Variants in LRP1B observed in about 807,000 individuals in gnomAD.
LRP1B encodes the protein low-density lipoprotein receptor-related protein 1B.
Under a neutral mutation model 556.6 loss-of-function variants are expected in LRP1B, and 217 were observed. The observed-to-expected ratio is 0.39, with a 90% CI of 0.35 to 0.44. The LOEUF (loss-of-function observed/expected upper bound fraction) is 0.44. LRP1B is among the 20% of genes least tolerant of loss of function. LRP1B has a pLI of 1.00. For synonymous variants in LRP1B, 2,047 were observed against 1,865.8 expected (o/e 1.10, Z -2.50); for missense variants, 5,053 against 5,620.8 (o/e 0.90, Z 3.23).
intron 3 of LRP1B, among the ~76,000 whole-genome samples, chr2:141,384,769 T>C (rs112311535): frequency 0.01 from 1,542 of 152,302 alleles, 14 homozygotes; most frequent in South Asian, 0.02. Flanking sequence ...TTAAAGATCT[T>C]AAGCAGTTTA....
intron 66 of LRP1B, among the ~76,000 whole-genome samples, chr2:140,437,703 CATAGA>C (rs1206464008): frequency 6.6e-6 from 1 of 151,976 alleles, no homozygotes; most frequent in East Asian, 1.9e-4. Flanking sequence ...AGTATATCTA[CATAGA>C]ATAGATAGAT....
chr2:140,839,439 T>G (rs112099992), intron 31 of LRP1B, among the ~76,000 whole-genome samples: 1 of 152,278 alleles, frequency 6.6e-6, no homozygotes, highest in African/African-American at 2.4e-5. Flanking sequence ...ACCCTCAATC[T>G]GGGTGGGCAC....
In LRP1B at chr2:141,044,198, G is replaced by A. The variant is rs576179285; in HGVS notation, c.1789+4788C>T. Among the ~76,000 whole-genome samples the A allele has an allele frequency of 7.3e-5, 11 of 151,708 alleles. No individual in the cohort carries two copies. In the South Asian group the frequency reaches 1.9e-3, roughly 26 times the overall value. ...GATTCCCTATTTAATAAATGGTGCT[G>A]GGAAAACTGGCTAGCCGTATGTAGA... On this transcript the variant is annotated intron_variant, in intron 11 of 90. Coordinates refer to ENST00000389484, the MANE Select transcript of LRP1B (RefSeq NM_018557.3).
intron 59 of LRP1B, among the ~76,000 whole-genome samples, chr2:140,476,014 G>A (rs1367151822): frequency 6.6e-6 from 1 of 151,848 alleles, no homozygotes; most frequent in Non-Finnish European, 1.5e-5. Context: ...TTCTAGATAG[G>A]ACAGTTCCAA....
intron 37 of LRP1B, among the ~76,000 whole-genome samples, chr2:140,703,187 T>A (rs1222522956): frequency 1.3e-5 from 2 of 152,182 alleles, no homozygotes; most frequent in Non-Finnish European, 2.9e-5. Context: ...TTGAATTTTA[T>A]GTTATCTTGT....
chr2:140,598,593 G>T (rs1366415214), intron 43 of LRP1B, 38 bp downstream of exon 43: 7 of 1,463,312 alleles, frequency 4.8e-6, no homozygotes, highest in Non-Finnish European at 6.7e-6. Flanking sequence ...ATATATCATT[G>T]TATAACTCTA....
At chr2:141,167,799 C>G (rs1680332691) in intron 7 of LRP1B, among the ~76,000 whole-genome samples, 1 of 151,804 alleles carries the variant, frequency 6.6e-6, no homozygotes, top group Admixed American at 6.6e-5. Context: ...ATTCATTTGA[C>G]TTTTTACAGT....
intron 1 of LRP1B, among the ~76,000 whole-genome samples, chr2:142,123,970 C>T (rs1012731365): frequency 6.6e-6 from 1 of 151,744 alleles, no homozygotes; most frequent in South Asian, 2.1e-4. Flanking sequence ...GAAGAAATCC[C>T]AAATGTAGAC....
In LRP1B at chr2:140,879,950, T is replaced by TA. The variant is rs34768520; in HGVS notation, c.4169+3866dup. Among the ~76,000 whole-genome samples, 1,259 of 138,612 alleles carry TA rather than the reference T, an allele frequency of 9.1e-3. 5 individuals are homozygous for TA. Among genetic ancestry groups the TA allele is most frequent in the Middle Eastern group, 0.015 (4 of 264 alleles). The allele number at this position is 138,612 out of a possible 152,430, so 90.9% of individuals were successfully genotyped here. A position where few individuals can be genotyped will look rare whatever the true frequency, so the allele number is the denominator to read the frequency against. On this transcript the variant is annotated intron_variant, in intron 25 of 90. Transcript: ENST00000389484. ...GAAGGTAAAAATAAATGATCCTGGT[T>TA]AAAAAAAAAAAAAAGAGGTTACTTA...
chr2:142,020,946 C>A (rs1171753488), intron 1 of LRP1B, among the ~76,000 whole-genome samples: 1 of 152,170 alleles, frequency 6.6e-6, no homozygotes, highest in African/African-American at 2.4e-5. Flanking sequence ...ACACTAATTG[C>A]AAAGTTGCAA....
Position 141,375,033 on chromosome 2 carries a change from A to G in LRP1B, c.343+105363T>C, listed in dbSNP as rs79235442. Among the ~76,000 whole-genome samples, 692 of 151,560 alleles carry G rather than the reference A, an allele frequency of 4.6e-3. 7 individuals are homozygous for G. The highest frequency in any genetic ancestry group is 0.015 in the African/African-American group (626 of 41,284). ...TTTTGATATTGCTTTGTAGGGGAAA[A>G]TTTTTTCTCCTGAAGATGTATGTAT... On this transcript the variant is annotated intron_variant, in intron 3 of 90. Transcript: ENST00000389484.
chr2:141,372,396 A>C (rs887560355), intron 3 of LRP1B, among the ~76,000 whole-genome samples: 1 of 152,138 alleles, frequency 6.6e-6, no homozygotes, highest in Non-Finnish European at 1.5e-5. Flanking sequence ...TACTTGCTTC[A>C]TAAAATGAGT....
chr2:141,435,044 A>ACTAATAGTTTAATACTTTGATCACTT (rs1559069020), intron 3 of LRP1B, among the ~76,000 whole-genome samples: 1 of 152,138 alleles, frequency 6.6e-6, no homozygotes, highest in Non-Finnish European at 1.5e-5. Flanking sequence ...TCAATCAGGG[A>ACTAATAGTTTAATACTTTGATCACTT]CTAATAGTTT....
intron 3 of LRP1B, among the ~76,000 whole-genome samples, chr2:141,320,946 T>G (rs1176784511): frequency 6.6e-6 from 1 of 152,116 alleles, no homozygotes; most frequent in Non-Finnish European, 1.5e-5. Flanking sequence ...TTAAGAATAC[T>G]CTGTCTAAAG....
intron 66 of LRP1B, among the ~76,000 whole-genome samples, chr2:140,394,403 G>A (rs1227465315): frequency 6.6e-6 from 1 of 152,062 alleles, no homozygotes; most frequent in African/African-American, 2.4e-5. Context: ...GCACTGAGGA[G>A]GCAGTACAGG....
chr2:140,564,856 A>C (rs141481971), intron 43 of LRP1B, among the ~76,000 whole-genome samples: 171 of 152,246 alleles, frequency 1.1e-3, no homozygotes, highest in African/African-American at 3.5e-3. Context: ...GGAGCTTAAG[A>C]TATACTAAGT....
chr2:140,372,872 A>G (rs1430133182), intron 69 of LRP1B, 136 bp downstream of exon 69: 22 of 881,870 alleles, frequency 2.5e-5, no homozygotes, highest in Admixed American at 4.7e-5. Context: ...TAATTTATCC[A>G]CAGATTTGCA....
chr2:141,282,741 T>A (rs987851248), intron 3 of LRP1B, among the ~76,000 whole-genome samples: 1 of 152,084 alleles, frequency 6.6e-6, no homozygotes, highest in Non-Finnish European at 1.5e-5. Context: ...CAAATTTCAT[T>A]AATGTTGTTT....
chr2:141,203,085 A>G (rs905450430), intron 6 of LRP1B, among the ~76,000 whole-genome samples: 1 of 152,202 alleles, frequency 6.6e-6, no homozygotes, highest in Admixed American at 6.5e-5. Flanking sequence ...CTGCAAAAAC[A>G]TAGCAAATTG....
Sources: allele counts gnomAD v4.1 joint callset (sites outside exome capture counted in the v4.1 genomes callset), GRCh38; gene constraint gnomAD v4.1.1; transcripts MANE v1.5; gene names NCBI Gene and HGNC (gene_info 2026-07-23, HGNC 2026-07-21).